The following EXOC4 variants were observed in gnomAD, a reference collection of about 807,000 sequenced individuals.
EXOC4 encodes the protein exocyst complex component 4.
EXOC4 carries 71 observed loss-of-function variants against 107.2 expected under a neutral mutation model. The ratio of observed to expected loss-of-function variants is 0.66; its 90% CI spans 0.55 to 0.81. EXOC4 has a LOEUF of 0.81. Ranked by LOEUF, EXOC4 falls within the 30% of genes least tolerant of loss-of-function variation. EXOC4 has a pLI of 0.00. For synonymous variants in EXOC4, 456 were observed against 441.2 expected (o/e 1.03, Z -0.42); for missense variants, 1,108 against 1,189.6 (o/e 0.93, Z 1.01).
In EXOC4 at chr7:134,064,622, C is replaced by G; in HGVS notation, c.*94C>G. 1 of 828,642 alleles carries G rather than the reference C, an allele frequency of 1.2e-6. No homozygotes were observed. Among genetic ancestry groups the G allele is most frequent in the Non-Finnish European group, 1.8e-6 (1 of 541,556 alleles). The allele number at this position is 828,642 out of a possible 1,614,324, so 51.3% of individuals were successfully genotyped here. On this transcript the variant is annotated 3_prime_UTR_variant, in exon 18 of 18. Coordinates refer to ENST00000253861, the MANE Select transcript of EXOC4 (RefSeq NM_021807.4). The stretch of plus-strand genomic sequence containing the variant: ...GAGTATATTCTGAGCTTAGTTTTCT[C>G]TACAGTGATACTTTAGTGGAGAGGA...
chr7:133,598,845 G>T (rs543358827), intron 9 of EXOC4, among the ~76,000 whole-genome samples: 1 of 152,022 alleles, frequency 6.6e-6, no homozygotes, highest in Non-Finnish European at 1.5e-5. Flanking sequence ...TTAGCTGGGC[G>T]TGGTGGCAGG....
chr7:133,397,264 G>A lies in EXOC4; in HGVS notation c.1182+22262G>A, dbSNP rs28446432. Reference sequence around the variant, plus strand: ...CCTGCTTCAGCCTCCTGAAGCAGCTGGATTACAGGCCACCACACCCAGCCA... The same window carrying A: ...CCTGCTTCAGCCTCCTGAAGCAGCTAGATTACAGGCCACCACACCCAGCCA... On this transcript the variant is annotated intron_variant, in intron 7 of 17. Coordinates refer to ENST00000253861, the MANE Select transcript of EXOC4 (RefSeq NM_021807.4). 1.5e-3 allele frequency among the ~76,000 whole-genome samples: 219 copies of A among 150,386 alleles called. 2 individuals are homozygous for A. Among genetic ancestry groups the A allele is most frequent in the African/African-American group, 5.0e-3 (203 of 40,828 alleles).
chr7:133,412,346 A>G (rs184352229), intron 7 of EXOC4, among the ~76,000 whole-genome samples: 1 of 123,470 alleles, frequency 8.1e-6, no homozygotes, highest in African/African-American at 3.3e-5. Context: ...TAAAAGTGGT[A>G]TGTTGTGGTG....
At chr7:133,328,845 A>G (rs975717658) in intron 5 of EXOC4, among the ~76,000 whole-genome samples, 3 of 152,272 alleles carry the variant, frequency 2.0e-5, no homozygotes, top group South Asian at 2.1e-4. Context: ...CGGGCTGCCC[A>G]TAACATTTTT....
intron 9 of EXOC4, among the ~76,000 whole-genome samples, chr7:133,561,770 G>C (rs1270195043): frequency 1.3e-5 from 2 of 152,178 alleles, no homozygotes; most frequent in Non-Finnish European, 2.9e-5. Flanking sequence ...GAATTGTCAT[G>C]TCTAAATTAT....
intron 17 of EXOC4, among the ~76,000 whole-genome samples, chr7:134,030,974 A>G (rs1323738205): frequency 6.6e-6 from 1 of 152,134 alleles, no homozygotes; most frequent in Non-Finnish European, 1.5e-5. Flanking sequence ...AACACGGGTA[A>G]ACCTCAAAAA....
rs1800337836 is a variant in EXOC4, at chr7:133,937,789, T to A, written c.2028-102T>A. ...GGAAAAAGAGCACGCTGTAAAATAG[T>A]GCTCATGTCAGTCCTTGTGCTAGGT... On this transcript the variant is annotated intron_variant, in intron 13 of 17. Transcript: ENST00000253861. 2.8e-6 allele frequency: 3 copies of A among 1,060,840 alleles called. No homozygotes were observed. The African/African-American group carries it at 4.7e-5, about 17-fold the overall frequency. The allele number at this position is 1,060,840 out of a possible 1,614,324, so 65.7% of individuals were successfully genotyped here. A position where few individuals can be genotyped will look rare whatever the true frequency, so the allele number is the denominator to read the frequency against.
chr7:133,463,409 G>C (rs915080651), intron 7 of EXOC4, among the ~76,000 whole-genome samples: 1 of 152,158 alleles, frequency 6.6e-6, no homozygotes, highest in African/African-American at 2.4e-5. Context: ...GTTTTGACCT[G>C]CTTACTGTGA....
intron 7 of EXOC4, among the ~76,000 whole-genome samples, chr7:133,425,478 G>C (rs1008038974): frequency 1.3e-5 from 2 of 151,990 alleles, no homozygotes; most frequent in Non-Finnish European, 2.9e-5. Context: ...GTAGAGACGG[G>C]GTATCACCAT....
chr7:133,787,963 T>TTATATATATATATA (rs1163259405), intron 10 of EXOC4, among the ~76,000 whole-genome samples: 19 of 40,944 alleles, frequency 4.6e-4, no homozygotes, highest in Non-Finnish European at 8.6e-4. Flanking sequence ...ATTTATATAT[T>TTATATATATATATA]TATATATATA....
At chr7:133,423,225 C>CAAAAAAAAA (rs1797642571) in intron 7 of EXOC4, among the ~76,000 whole-genome samples, 1 of 12,158 alleles carries the variant, frequency 8.2e-5, no homozygotes, top group African/African-American at 7.8e-4. Flanking sequence ...GACTCCGTCT[C>CAAAAAAAAA]CAAAAAAAAA....
At chr7:133,597,880 C>G (rs550278150) in intron 9 of EXOC4, among the ~76,000 whole-genome samples, 1 of 151,732 alleles carries the variant, frequency 6.6e-6, no homozygotes, top group East Asian at 2.0e-4. Context: ...GGCATGTTGG[C>G]GGCGGGCACC....
chr7:133,629,131 A>C (rs929758924), intron 9 of EXOC4, among the ~76,000 whole-genome samples: 1 of 152,128 alleles, frequency 6.6e-6, no homozygotes, highest in Non-Finnish European at 1.5e-5. Flanking sequence ...CCATTTGTTT[A>C]TGTAAAAAGC....
chr7:133,408,164 G>C (rs1797267078), intron 7 of EXOC4, among the ~76,000 whole-genome samples: 1 of 151,550 alleles, frequency 6.6e-6, no homozygotes. Context: ...GGAGGAGGTG[G>C]TAGTGATGAT....
chr7:133,807,385 A>T (rs1402124625), intron 10 of EXOC4, among the ~76,000 whole-genome samples: 1 of 152,200 alleles, frequency 6.6e-6, no homozygotes, highest in African/African-American at 2.4e-5. Context: ...AGCAATTATT[A>T]ATACAGCTCC....
intron 17 of EXOC4, among the ~76,000 whole-genome samples, chr7:134,024,785 TCC>T (rs1179223469): frequency 2.0e-5 from 3 of 152,150 alleles, no homozygotes; most frequent in Non-Finnish European, 4.4e-5. Flanking sequence ...AGCTAAGGAC[TCC>T]AAGCACAAGG....
At chr7:133,526,239 A>G (rs780651912) in intron 9 of EXOC4, among the ~76,000 whole-genome samples, 9 of 152,240 alleles carry the variant, frequency 5.9e-5, no homozygotes, top group Admixed American at 1.3e-4. Flanking sequence ...TATAAACCAA[A>G]GGATAAATCA....
In EXOC4 at chr7:134,007,660, T is replaced by C. The variant is rs1289087379; in HGVS notation, c.2528-16T>C. The C allele has an allele frequency of 1.3e-6, 2 of 1,596,432 alleles. No homozygotes were observed. Among genetic ancestry groups the C allele is most frequent in the East Asian group, 2.3e-5 (1 of 44,434 alleles). On this transcript the variant is annotated splice_polypyrimidine_tract_variant and intron_variant, in intron 16 of 17. Coordinates refer to ENST00000253861, the MANE Select transcript of EXOC4 (RefSeq NM_021807.4). ...GTCATCCGTTTTCTTTGCCCCGCACTGTGCTGACCCCTCAGGCCTGGGCCA... is the reference window on the plus strand; with the variant it reads ...GTCATCCGTTTTCTTTGCCCCGCACCGTGCTGACCCCTCAGGCCTGGGCCA...
chr7:133,807,262 G>A (rs992029073), intron 10 of EXOC4, among the ~76,000 whole-genome samples: 6 of 152,152 alleles, frequency 3.9e-5, no homozygotes, highest in Non-Finnish European at 8.8e-5. Context: ...TTTATCACAT[G>A]TAAAATGGAG....
Sources: gnomAD v4.1 joint callset for allele counts (sites outside exome capture counted in the v4.1 genomes callset) on GRCh38, gnomAD v4.1.1 for gene constraint, MANE v1.5 for transcripts, NCBI Gene and HGNC (gene_info 2026-07-23, HGNC 2026-07-21) for gene names.